Variants in PTPRE observed in about 807,000 individuals in gnomAD.
The protein encoded by PTPRE is protein tyrosine phosphatase receptor type E.
PTPRE carries 51 observed loss-of-function variants against 102.0 expected under a neutral mutation model. The ratio of observed to expected loss-of-function variants is 0.50; its 90% CI spans 0.40 to 0.63. The LOEUF (loss-of-function observed/expected upper bound fraction) is 0.63, where lower values mean the gene tolerates loss of function less well. Ranked by LOEUF, PTPRE falls within the 30% of genes least tolerant of loss-of-function variation. The probability of loss-of-function intolerance (pLI) is 0.00; values close to 1 mark genes in which losing one functional copy is unlikely to be tolerated. For missense variants in PTPRE, 752 were observed against 915.1 expected (o/e 0.82, Z 2.30); for synonymous variants, 345 against 348.2 (o/e 0.99, Z 0.10).
intron 1 of PTPRE, among the ~76,000 whole-genome samples, chr10:127,962,562 G>A (rs940057537): frequency 5.3e-5 from 8 of 152,148 alleles, no homozygotes; most frequent in East Asian, 3.9e-4. Context: ...TCTGCAGGGC[G>A]GGGTCAGGCC....
chr10:128,079,547 T>C lies in PTPRE; in HGVS notation c.1893-13T>C. The C allele has an allele frequency of 6.2e-7, 1 of 1,612,614 alleles. No homozygotes were observed. The highest frequency in any genetic ancestry group is 8.5e-7 in the Non-Finnish European group (1 of 1,179,458). ...AAGTCGGATGATCTGCATTAAGCGC[T>C]TTTTCTCTGCAGTGCCGGAGCTGGG... On this transcript the variant is annotated splice_polypyrimidine_tract_variant and intron_variant, in intron 19 of 20. Coordinates refer to ENST00000254667, the MANE Select transcript of PTPRE (RefSeq NM_006504.6).
chr10:128,051,430 T>C (rs1023905923), intron 6 of PTPRE, among the ~76,000 whole-genome samples: 1 of 152,202 alleles, frequency 6.6e-6, no homozygotes, highest in Non-Finnish European at 1.5e-5. Context: ...ATACAGGCAG[T>C]CCCTGGTGAA....
chr10:128,033,178 A>C (rs4409739), intron 2 of PTPRE, among the ~76,000 whole-genome samples: 86,534 of 152,026 alleles, frequency 0.57, 24,734 homozygotes, highest in East Asian at 0.62. Context: ...GGTGCTTTGC[A>C]AACTGCTAAC....
intron 1 of PTPRE, among the ~76,000 whole-genome samples, chr10:127,925,500 C>T (rs577790431): frequency 6.6e-6 from 1 of 152,290 alleles, no homozygotes; most frequent in East Asian, 1.9e-4. Context: ...ACGGCTACCG[C>T]AGAGTTCTCA....
At chr10:127,943,960 A>G (rs908615480) in intron 1 of PTPRE, among the ~76,000 whole-genome samples, 4 of 152,122 alleles carry the variant, frequency 2.6e-5, no homozygotes, top group South Asian at 2.1e-4. Flanking sequence ...AGTAGTTCCT[A>G]TGGGCATTGG....
intron 1 of PTPRE, among the ~76,000 whole-genome samples, chr10:127,917,025 G>C (rs377563492): frequency 8.5e-5 from 13 of 152,150 alleles, no homozygotes; most frequent in African/African-American, 3.1e-4. Flanking sequence ...GGGGTCCCCT[G>C]CTGGCTGTGT....
chr10:127,998,711 T>G (rs1853541691), intron 2 of PTPRE: 1 of 152,156 alleles, frequency 6.6e-6, no homozygotes, highest in Admixed American at 6.5e-5. Context: ...CTCAAAATTG[T>G]GTTGGAGCTA....
chr10:128,035,265 A>T (rs1313144009), intron 2 of PTPRE, among the ~76,000 whole-genome samples: 1 of 139,664 alleles, frequency 7.2e-6, no homozygotes, highest in Non-Finnish European at 1.6e-5. Context: ...TCTTAAAAAC[A>T]TATATATGTA....
intron 1 of PTPRE, among the ~76,000 whole-genome samples, chr10:127,947,010 G>T (rs1206683077): frequency 5.8e-5 from 8 of 137,852 alleles, no homozygotes; most frequent in African/African-American, 2.2e-4. Context: ...GACAGAATGA[G>T]ACCCTGTCTC....
At position 128,069,445 on chromosome 10, in the gene PTPRE, G is replaced by A. The variant is rs1338917480; in HGVS notation, c.1008-247G>A. On this transcript the variant is annotated intron_variant, in intron 12 of 20. Transcript: ENST00000254667. ...AAAAATTCTCCACACAGCCTAATCCGAGGCTTACTGCACCAGCTGTTAATG... is the reference window on the plus strand; with the variant it reads ...AAAAATTCTCCACACAGCCTAATCCAAGGCTTACTGCACCAGCTGTTAATG... The A allele has an allele frequency of 7.6e-6, 4 of 523,214 alleles. No homozygotes were observed. The South Asian group carries it at 8.0e-5, about 10-fold the overall frequency. 32.4% of individuals were successfully genotyped at this position (523,214 alleles called of 1,614,324 possible). A position where few individuals can be genotyped will look rare whatever the true frequency, so the allele number is the denominator to read the frequency against.
At chr10:128,040,263 C>T (rs1321404623) in intron 2 of PTPRE, among the ~76,000 whole-genome samples, 1 of 152,112 alleles carries the variant, frequency 6.6e-6, no homozygotes, top group East Asian at 1.9e-4. Context: ...GGAGCTAGAC[C>T]GAGTGTGCTG....
rs1017515234 is a variant in PTPRE at position 128,062,918 on chromosome 10, C to T, written c.626-165C>T. 5 of 1,264,326 alleles carry T rather than the reference C, an allele frequency of 4.0e-6. No individual in the cohort carries two copies. The African/African-American group carries it at 6.0e-5, about 15-fold the overall frequency. The allele number at this position is 1,264,326 out of a possible 1,614,324, so 78.3% of individuals were successfully genotyped here. Reference sequence around the variant, plus strand: ...GTGGGTGAGTGGCAGGACAGGCAGCCCCTACCGGTTCCGGAACGCTTCAGG... The same window carrying T: ...GTGGGTGAGTGGCAGGACAGGCAGCTCCTACCGGTTCCGGAACGCTTCAGG... On this transcript the variant is annotated intron_variant, in intron 9 of 20. Transcript: ENST00000254667.
intron 3 of PTPRE, among the ~76,000 whole-genome samples, chr10:128,043,544 T>A (rs1215851949): frequency 6.6e-6 from 1 of 152,154 alleles, no homozygotes; most frequent in African/African-American, 2.4e-5. Flanking sequence ...CCTGGGGGAG[T>A]TAGAGACCTC....
At chr10:127,929,214 G>C (rs1054047586) in intron 1 of PTPRE, among the ~76,000 whole-genome samples, 1 of 152,178 alleles carries the variant, frequency 6.6e-6, no homozygotes, top group South Asian at 2.1e-4. Context: ...AGCGGCTTAT[G>C]TAATTAGGTT....
At chr10:127,953,448 C>A (rs1439513419) in intron 1 of PTPRE, among the ~76,000 whole-genome samples, 1 of 152,204 alleles carries the variant, frequency 6.6e-6, no homozygotes, top group Non-Finnish European at 1.5e-5. Context: ...ACCAAGTTAC[C>A]ATGCAATCTG....
chr10:127,972,577 CTCT>C (rs1850837401), intron 1 of PTPRE, among the ~76,000 whole-genome samples: 1 of 152,238 alleles, frequency 6.6e-6, no homozygotes, highest in Non-Finnish European at 1.5e-5. Context: ...CTTTACCCTC[CTCT>C]ATTTCCAAGC....
At chr10:128,033,694 G>T (rs1252121388) in intron 2 of PTPRE, among the ~76,000 whole-genome samples, 1 of 152,192 alleles carries the variant, frequency 6.6e-6, no homozygotes, top group Non-Finnish European at 1.5e-5. Flanking sequence ...ACCCAGGCTA[G>T]AGTGCAGTGG....
At chr10:128,011,590 C>T (rs1845017883) in intron 2 of PTPRE, among the ~76,000 whole-genome samples, 1 of 152,266 alleles carries the variant, frequency 6.6e-6, no homozygotes. Flanking sequence ...AGCCCGACCC[C>T]ATCCCTAATG....
At chr10:127,915,064 G>T (rs1379516609) in intron 1 of PTPRE, among the ~76,000 whole-genome samples, 4 of 152,156 alleles carry the variant, frequency 2.6e-5, no homozygotes, top group Non-Finnish European at 5.9e-5. Flanking sequence ...CTCAATCCAG[G>T]CCAACAAAAC....
Sources: allele counts gnomAD v4.1 joint callset (sites outside exome capture counted in the v4.1 genomes callset), GRCh38; gene constraint gnomAD v4.1.1; transcripts MANE v1.5; gene names NCBI Gene and HGNC (gene_info 2026-07-23, HGNC 2026-07-21).